The following BACE2 variants were observed in gnomAD, a reference collection of about 807,000 sequenced individuals.
The protein encoded by BACE2 is beta-secretase 2, also known as 56 kDa aspartic-like protease.
A neutral mutation model predicts 46.2 loss-of-function variants in BACE2; 17 were observed. The ratio of observed to expected loss-of-function variants is 0.37; its 90% CI spans 0.25 to 0.55. BACE2 has a LOEUF of 0.55. BACE2 is among the 20% of genes least tolerant of loss of function. The pLI, the probability that BACE2 is intolerant of heterozygous loss-of-function variation, is 0.82. For missense variants in BACE2, 595 were observed against 698.1 expected (o/e 0.85, Z 1.66); for synonymous variants, 277 against 295.9 (o/e 0.94, Z 0.66).
intron 1 of BACE2, among the ~76,000 whole-genome samples, chr21:41,190,245 A>G (rs1985519770): frequency 6.6e-6 from 1 of 152,178 alleles, no homozygotes; most frequent in Admixed American, 6.5e-5. Context: ...GATCATACAT[A>G]ATCTTCAAAT....
At chr21:41,205,102 C>G (rs1021557843) in intron 1 of BACE2, among the ~76,000 whole-genome samples, 1 of 152,014 alleles carries the variant, frequency 6.6e-6, no homozygotes, top group South Asian at 2.1e-4. Context: ...TGATCAGATC[C>G]CATGCAAAAA....
At chr21:41,206,145 T>G (rs530349766) in intron 1 of BACE2, among the ~76,000 whole-genome samples, 2 of 152,330 alleles carry the variant, frequency 1.3e-5, no homozygotes, top group South Asian at 4.1e-4. Flanking sequence ...TGTCAATGTA[T>G]TTCTCTTAGT....
intron 1 of BACE2, chr21:41,225,635 C>T (rs1415700591): frequency 6.6e-6 from 1 of 152,254 alleles, no homozygotes. Context: ...CATAAAGGAA[C>T]CTTTTGAGGT....
chr21:41,202,811 G>T (rs1420746489), intron 1 of BACE2, among the ~76,000 whole-genome samples: 2 of 152,180 alleles, frequency 1.3e-5, no homozygotes, highest in African/African-American at 2.4e-5. Context: ...TGGGGACCTG[G>T]TTAAACATAT....
intron 1 of BACE2, among the ~76,000 whole-genome samples, chr21:41,190,700 C>T (rs549072886): frequency 6.6e-6 from 1 of 152,256 alleles, no homozygotes; most frequent in East Asian, 1.9e-4. Context: ...CTGGATTGGG[C>T]TGTTGTAGTT....
intron 1 of BACE2, among the ~76,000 whole-genome samples, chr21:41,216,692 T>A (rs942311376): frequency 6.6e-6 from 1 of 152,118 alleles, no homozygotes; most frequent in Non-Finnish European, 1.5e-5. Context: ...AGAGTCCCCC[T>A]GTCACTGGGG....
chr21:41,232,027 T>C (rs1305577168), intron 2 of BACE2, among the ~76,000 whole-genome samples: 1 of 152,126 alleles, frequency 6.6e-6, no homozygotes, highest in Non-Finnish European at 1.5e-5. Context: ...TACCTTTTTT[T>C]TTTTTTTTTT....
chr21:41,181,769 G>T (rs1985136108), intron 1 of BACE2: 1 of 167,074 alleles, frequency 6.0e-6, no homozygotes, highest in Non-Finnish European at 1.5e-5. Flanking sequence ...GCTATGGTTA[G>T]TTAGGAGGTC....
intron 8 of BACE2, among the ~76,000 whole-genome samples, chr21:41,272,417 A>C (rs1245101843): frequency 6.6e-6 from 1 of 151,450 alleles, no homozygotes; most frequent in African/African-American, 2.4e-5. Context: ...CTTCCTTTTG[A>C]GTACTCTGAT....
chr21:41,221,689 G>C (rs1450850269), intron 1 of BACE2, among the ~76,000 whole-genome samples: 2 of 152,238 alleles, frequency 1.3e-5, no homozygotes, highest in South Asian at 2.1e-4. Context: ...TTAGCTGGGC[G>C]TGGTGGCGGG....
At chr21:41,219,092 A>C (rs557601191) in intron 1 of BACE2, among the ~76,000 whole-genome samples, 1 of 151,976 alleles carries the variant, frequency 6.6e-6, no homozygotes, top group East Asian at 1.9e-4. Context: ...GGATCTCCTA[A>C]CCTCATGATC....
chr21:41,214,877 G>A (rs1986407852), intron 1 of BACE2, among the ~76,000 whole-genome samples: 1 of 151,960 alleles, frequency 6.6e-6, no homozygotes, highest in Admixed American at 6.6e-5. Flanking sequence ...ATGCACCCAG[G>A]ACAGGGGCAC....
chr21:41,280,695 C>T lies in BACE2; in HGVS notation c.*5071C>T, dbSNP rs1402987192. On this transcript the variant is annotated 3_prime_UTR_variant, in exon 9 of 9. Transcript: ENST00000330333. ...AACATAGCCACGCTGCTTAGTGCTGCCAGCGAACCTCAGGTTGCATCAGTG... is the reference window on the plus strand; with the variant it reads ...AACATAGCCACGCTGCTTAGTGCTGTCAGCGAACCTCAGGTTGCATCAGTG... The T allele has an allele frequency of 6.6e-6, 1 of 152,246 alleles. No homozygotes were observed. The highest frequency in any genetic ancestry group is 1.5e-5 in the Non-Finnish European group (1 of 68,040). 9.4% of individuals were successfully genotyped at this position (152,246 alleles called of 1,614,324 possible).
At chr21:41,249,015 T>C (rs1265696501) in intron 6 of BACE2, among the ~76,000 whole-genome samples, 1 of 152,188 alleles carries the variant, frequency 6.6e-6, no homozygotes, top group East Asian at 1.9e-4. Context: ...CGTGATCCCA[T>C]CCTTAGCCTC....
rs1378708566 is a variant in BACE2, at chr21:41,243,420, G to A, written c.792G>A (p.Trp264Ter). The part of the protein sequence containing the change: ...IEPSLYKGDI[W>*]YTPIKEEWYY... ...CAAGTTTGTATAAAGGAGACATCTG[G>A]TATACCCCTATTAAGGAAGAGTGGT... The change falls in exon 5 of 9, where the codon TGG becomes TGA. Residue 264 changes from tryptophan (W) to a stop codon, truncating the protein, a stop_gained. Coordinates refer to ENST00000330333, the MANE Select transcript of BACE2 (RefSeq NM_012105.5). LOFTEE classifies it high-confidence loss of function. The A allele has an allele frequency of 6.2e-7, 1 of 1,612,610 alleles. No individual in the cohort carries two copies. The highest frequency in any genetic ancestry group is 8.5e-7 in the Non-Finnish European group (1 of 1,179,432).
intron 2 of BACE2, among the ~76,000 whole-genome samples, chr21:41,227,358 C>T (rs996966704): frequency 1.2e-4 from 18 of 152,182 alleles, no homozygotes; most frequent in African/African-American, 4.1e-4. Flanking sequence ...TTCCCTTTCT[C>T]GCTTTCCTTA....
chr21:41,264,632 C>T (rs1407047191), intron 8 of BACE2, among the ~76,000 whole-genome samples: 2 of 151,900 alleles, frequency 1.3e-5, no homozygotes, highest in Admixed American at 6.6e-5. Context: ...TTTCAGACAA[C>T]CATATCTTGT....
chr21:41,205,037 G>T (rs2837967), intron 1 of BACE2, among the ~76,000 whole-genome samples: 1 of 152,070 alleles, frequency 6.6e-6, no homozygotes, highest in Admixed American at 6.6e-5. Context: ...TGAAATTAGC[G>T]AAGGGTAGCA....
intron 3 of BACE2, among the ~76,000 whole-genome samples, chr21:41,240,795 G>A (rs1235088868): frequency 6.6e-6 from 1 of 152,158 alleles, no homozygotes; most frequent in African/African-American, 2.4e-5. Flanking sequence ...AAACAAGTAG[G>A]AGGTCAAACA....
Sources: allele counts gnomAD v4.1 joint callset (sites outside exome capture counted in the v4.1 genomes callset), GRCh38; gene constraint gnomAD v4.1.1; transcripts MANE v1.5; gene names NCBI Gene and HGNC (gene_info 2026-07-23, HGNC 2026-07-21).